Variants in DBP observed in about 807,000 individuals in gnomAD.
DBP encodes D-box binding PAR bZIP transcription factor.
DBP carries 12 observed loss-of-function variants against 21.4 expected under a neutral mutation model. That is an observed-to-expected ratio of 0.56 (90% CI 0.36 to 0.91). DBP has a LOEUF of 0.91. DBP is among the 40% of genes least tolerant of loss of function. The pLI, the probability that DBP is intolerant of heterozygous loss-of-function variation, is 0.01. For missense variants in DBP, 423 were observed against 473.4 expected (o/e 0.89, Z 0.99); for synonymous variants, 213 against 224.9 (o/e 0.95, Z 0.47).
chr19:48,633,440 T>C lies in DBP; in HGVS notation c.762+4A>G. ...GTCTATCTCCCACATCCAGCTCTGC[T>C]CACCTTCTGCTCCTCCGGCACCTGG... On this transcript the variant is annotated splice_donor_region_variant and intron_variant, in intron 3 of 3. Coordinates refer to ENST00000222122, the MANE Select transcript of DBP (RefSeq NM_001352.5). 1 of 1,614,124 alleles carries C rather than the reference T, an allele frequency of 6.2e-7. No homozygotes were observed. Among genetic ancestry groups the C allele is most frequent in the Admixed American group, 1.7e-5 (1 of 60,022 alleles).
At position 48,630,327 on chromosome 19, in the gene DBP, T is replaced by G; in HGVS notation, c.*510A>C. On this transcript the variant is annotated 3_prime_UTR_variant, in exon 4 of 4. Transcript: ENST00000222122. This position sits in a 1 kb window ranked among gnomAD's most constrained non-coding sequence, Gnocchi z 4.9. ...GGGAAATTCATATCCCCTGTTCGTC[T>G]CATGCGCGTCCTCCGTCCCCAATCT... 7.7e-7 allele frequency: 1 copy of G among 1,306,244 alleles called. No homozygotes were observed. The highest frequency in any genetic ancestry group is 1.5e-5 in the African/African-American group (1 of 65,432). The allele number at this position is 1,306,244 out of a possible 1,614,324, so 80.9% of individuals were successfully genotyped here.
At chr19:48,635,489 T>C in intron 2 of DBP, 91 bp downstream of exon 2, 1 of 1,480,182 alleles carries the variant, frequency 6.8e-7, no homozygotes, top group Non-Finnish European at 9.0e-7. Context: ...CGCAGCCAGG[T>C]CCCACGGTCC....
chr19:48,630,885 G>C lies in DBP; in HGVS notation c.930C>G (p.His310Gln), dbSNP rs2030552655. 3 of 1,608,576 alleles carry C rather than the reference G, an allele frequency of 1.9e-6. No individual in the cohort carries two copies. The highest frequency in any genetic ancestry group is 2.5e-6 in the Non-Finnish European group (3 of 1,178,048). The change falls in exon 4 of 4, where the codon CAC becomes CAG. Residue 310 changes from histidine (H) to glutamine (Q), a missense_variant. By Grantham distance (24) the His-to-Gln change is conservative. Coordinates refer to ENST00000222122, the MANE Select transcript of DBP (RefSeq NM_001352.5). This position sits in a 1 kb window ranked among gnomAD's most constrained non-coding sequence, Gnocchi z 4.9. ...GGTATCGGGACAGCACGGCGCGGTA[G>C]TGGGACAGCTCCTGGCGCACGGCCA... ...EVVAVRQELS[H>Q]YRAVLSRYQA...
At chr19:48,634,743 G>T in intron 2 of DBP, 1 of 985,574 alleles carries the variant, frequency 1.0e-6, no homozygotes, top group South Asian at 4.7e-5. Flanking sequence ...CCCTGGTTCG[G>T]CCCGGAGGTC....
Position 48,635,838 on chromosome 19 carries a change from C to G in DBP, c.292G>C (p.Gly98Arg). 7.1e-7 allele frequency: 1 copy of G among 1,412,208 alleles called. No homozygotes were observed. Among genetic ancestry groups the G allele is most frequent in the Non-Finnish European group, 9.1e-7 (1 of 1,093,466 alleles). 87.5% of individuals were successfully genotyped at this position (1,412,208 alleles called of 1,614,324 possible). A position where few individuals can be genotyped will look rare whatever the true frequency, so the allele number is the denominator to read the frequency against. ...TCCCACAGCAGTGGCGCCAACAGAC[C>G]CGGGGCGGGCACCGGCCCCGGGCGC... is the stretch of plus-strand genomic sequence containing the variant. ...RGRPGPVPAP[G>R]LLAPLLWERT... The change falls in exon 2 of 4, where the codon GGT becomes CGT. Residue 98 changes from glycine (G) to arginine (R), a missense_variant. By Grantham distance (125) the Gly-to-Arg change is moderately radical (BLOSUM62 -2). This residue lies in a region of DBP where 283 missense variants were observed against 273.7 expected (regional missense o/e 1.03). Coordinates refer to ENST00000222122, the MANE Select transcript of DBP (RefSeq NM_001352.5).
intron 3 of DBP, 114 bp from the exon 4 acceptor site, chr19:48,631,166 G>C (rs2030569699): frequency 1.1e-6 from 1 of 886,074 alleles, no homozygotes. Flanking sequence ...GCTGGGATAG[G>C]TACCCAAGGG....
intron 3 of DBP, 190 bp downstream of exon 3, chr19:48,633,254 T>A: frequency 1.5e-6 from 1 of 678,388 alleles, no homozygotes; most frequent in Non-Finnish European, 2.6e-6. Flanking sequence ...GTTGACACTG[T>A]CTTTATAAAC....
In DBP at chr19:48,637,357, G is replaced by A. The variant is rs919892161; in HGVS notation, c.-363C>T. 9.2e-5 allele frequency: 22 copies of A among 239,464 alleles called. No homozygotes were observed. Among genetic ancestry groups the A allele is most frequent in the Non-Finnish European group, 1.6e-4 (20 of 124,186 alleles). The allele number at this position is 239,464 out of a possible 1,614,324, so 14.8% of individuals were successfully genotyped here. ...CAGCTCTCGCAACGGAAGGCGCTTT[G>A]CAATCTGCACCGAGAGGTGTGCGCG... is the stretch of plus-strand genomic sequence containing the variant. On this transcript the variant is annotated 5_prime_UTR_variant, in exon 1 of 4. Transcript: ENST00000222122.
Position 48,635,810 on chromosome 19 carries a change from C to T in DBP, c.320G>A (p.Arg107His). 3 of 1,433,728 alleles carry T rather than the reference C, an allele frequency of 2.1e-6. No individual in the cohort carries two copies. The highest frequency in any genetic ancestry group is 1.4e-5 in the South Asian group (1 of 70,792). The allele number at this position is 1,433,728 out of a possible 1,614,324, so 88.8% of individuals were successfully genotyped here. A position where few individuals can be genotyped will look rare whatever the true frequency, so the allele number is the denominator to read the frequency against. Residue 107 changes from arginine (R) to histidine (H), a missense_variant, in exon 2 of 4, where the codon CGC becomes CAC. Arg to His is a conservative substitution (Grantham distance 29). Transcript: ENST00000222122. ...CTCCACATCGCCGAACGGCAGCGTG[C>T]GCTCCCACAGCAGTGGCGCCAACAG... ...PGLLAPLLWE[R>H]TLPFGDVEYV...
At chr19:48,636,091 A>G in intron 1 of DBP, 101 bp from the exon 2 acceptor site, 1 of 1,179,178 alleles carries the variant, frequency 8.5e-7, no homozygotes, top group Non-Finnish European at 1.1e-6. Flanking sequence ...AGATCCAGAG[A>G]AAGAGGGGAC....
At chr19:48,632,525 A>C (rs1353378536) in intron 3 of DBP, 9 of 152,216 alleles carry the variant, frequency 5.9e-5, no homozygotes, top group African/African-American at 2.2e-4. Context: ...TCAGCCTCCT[A>C]AAGTGCTAGG....
Position 48,635,662 on chromosome 19 carries a change from C to A in DBP, c.468G>T (p.Ser156=), listed in dbSNP as rs1051649627. The A allele has an allele frequency of 2.3e-6, 3 of 1,313,724 alleles. No homozygotes were observed. The highest frequency in any genetic ancestry group is 2.9e-6 in the Non-Finnish European group (3 of 1,038,454). 81.4% of individuals were successfully genotyped at this position (1,313,724 alleles called of 1,614,324 possible). Residue 156 remains serine (S), a synonymous_variant, in exon 2 of 4, where the codon TCG becomes TCT. Coordinates refer to ENST00000222122, the MANE Select transcript of DBP (RefSeq NM_001352.5). The part of the protein sequence containing the change: ...RTPAPSPGPG[S]CGSASPRSSP... ...AGGAGCGGGGGGAAGCCGAGCCGCA[C>A]GAACCCGGCCCTGGGGAGGGTGCGG...
At chr19:48,633,125 C>T in intron 3 of DBP, 1 of 559,604 alleles carries the variant, frequency 1.8e-6, no homozygotes, top group Non-Finnish European at 3.2e-6. Context: ...TCCCAAGTGG[C>T]TTGTAGAAAT....
intron 3 of DBP, chr19:48,632,399 T>A (rs1213684827): frequency 6.6e-6 from 1 of 151,886 alleles, no homozygotes; most frequent in Non-Finnish European, 1.5e-5. Context: ...CAAAGTGCTG[T>A]GATTACAGGT....
Position 48,635,606 on chromosome 19 carries a change from A to T in DBP, c.524T>A (p.Leu175His). 1 of 1,352,006 alleles carries T rather than the reference A, an allele frequency of 7.4e-7. No homozygotes were observed. The highest frequency in any genetic ancestry group is 9.4e-7 in the Non-Finnish European group (1 of 1,062,174). The allele number at this position is 1,352,006 out of a possible 1,614,324, so 83.8% of individuals were successfully genotyped here. Residue 175 changes from leucine to histidine, a missense_variant, in exon 2 of 4, where the codon CTC (leucine) becomes CAC (histidine). Leu to His is a moderately conservative substitution (Grantham distance 99). Transcript: ENST00000222122. ...SPGHAPARAA[L>H]GTASGHRAGL... ...TGCGCGGTGGCCGCTGGCGGTCCCGAGGGCAGCCCGGGCGGGGGCGTGCCC... is the reference window on the plus strand; with the variant it reads ...TGCGCGGTGGCCGCTGGCGGTCCCGTGGGCAGCCCGGGCGGGGGCGTGCCC...
At chr19:48,633,778 C>T in intron 2 of DBP, 123 bp from the exon 3 acceptor site, 1 of 828,034 alleles carries the variant, frequency 1.2e-6, no homozygotes, top group Middle Eastern at 2.5e-4. Context: ...TAAATTCGGC[C>T]AGGGATTAAT....
At chr19:48,631,667 A>G (rs1333381427) in intron 3 of DBP, 1 of 152,554 alleles carries the variant, frequency 6.6e-6, no homozygotes, top group Non-Finnish European at 1.5e-5. Flanking sequence ...GACTGAGAGA[A>G]GAGCTGTCTC....
rs750736355 is a variant in DBP at position 48,635,801 on chromosome 19, G to A, written c.329C>T (p.Pro110Leu). 2.1e-5 allele frequency: 30 copies of A among 1,435,572 alleles called. No individual in the cohort carries two copies. Among genetic ancestry groups the A allele is most frequent in the South Asian group, 1.1e-4 (8 of 71,184 alleles). 88.9% of individuals were successfully genotyped at this position (1,435,572 alleles called of 1,614,324 possible). ...GTCTACGTACTCCACATCGCCGAAC[G>A]GCAGCGTGCGCTCCCACAGCAGTGG... ...LAPLLWERTL[P>L]FGDVEYVDLD... Residue 110 changes from proline (P) to leucine (L), a missense_variant, in exon 2 of 4, where the codon CCG (proline) becomes CTG (leucine). Physicochemically the swap from Pro to Leu is moderately conservative, Grantham distance 98. Around this residue, in one of 4 missense-constraint regions of DBP, gnomAD observed 283 missense variants for 273.7 expected, o/e 1.03. Coordinates refer to ENST00000222122, the MANE Select transcript of DBP (RefSeq NM_001352.5).
chr19:48,633,245 T>C (rs556290944), intron 3 of DBP, 199 bp downstream of exon 3: 1 of 666,272 alleles, frequency 1.5e-6, no homozygotes, highest in East Asian at 2.5e-5. Context: ...CCTCGCCCAG[T>C]TGACACTGTC....
Sources: gnomAD v4.1 joint callset for allele counts on GRCh38, gnomAD v4.1.1 for gene constraint, gnomAD v4.1.1 regional missense constraint, Gnocchi (gnomAD v3.1) non-coding constraint, MANE v1.5 for transcripts, NCBI Gene and HGNC (gene_info 2026-07-23, HGNC 2026-07-21) for gene names.